The following CLHC1 variants were observed in gnomAD, a reference collection of about 807,000 sequenced individuals.
CLHC1 encodes the protein clathrin heavy chain linker domain-containing protein 1.
A neutral mutation model predicts 69.5 loss-of-function variants in CLHC1; 72 were observed. The ratio of observed to expected loss-of-function variants is 1.04; its 90% confidence interval spans 0.86 to 1.26. The LOEUF is 1.26. CLHC1 is among the 50% of genes most tolerant of loss of function. The pLI is 0.00. For synonymous variants in CLHC1, 223 were observed against 224.3 expected, an observed-to-expected ratio of 0.99 and a Z score of 0.05; for missense variants, 790 against 679.3, an observed-to-expected ratio of 1.16 and a Z score of -1.81.
intron 9 of CLHC1, among the ~76,000 whole-genome samples, chr2:55,188,157 T>A (rs949455568): frequency 3.3e-5 from 5 of 151,800 alleles, no homozygotes; most frequent in African/African-American, 1.2e-4. Context: ...GTACAAAAAA[T>A]TTTTAAATAT....
chr2:55,182,782 G>A (rs953828542), intron 9 of CLHC1, among the ~76,000 whole-genome samples: 11 of 152,142 alleles, frequency 7.2e-5, no homozygotes, highest in South Asian at 4.1e-4. Context: ...CATGAAAGGC[G>A]GGTAGGCTGG....
At chr2:55,205,398 A>AAG (rs1672339412) in intron 9 of CLHC1, among the ~76,000 whole-genome samples, 1 of 105,832 alleles carries the variant, frequency 9.4e-6, no homozygotes, top group African/African-American at 3.3e-5. Context: ...GGATAAAGAA[A>AAG]ATACACACAC....
intron 9 of CLHC1, among the ~76,000 whole-genome samples, chr2:55,204,633 C>CA (rs1672264131): frequency 6.6e-6 from 1 of 152,040 alleles, no homozygotes; most frequent in African/African-American, 2.4e-5. Flanking sequence ...ATCAACAATC[C>CA]TATGATTAAT....
chr2:55,181,779 T>C (rs1256811708), intron 9 of CLHC1, 35 bp from the exon 10 acceptor site: 15 of 1,552,074 alleles, frequency 9.7e-6, no homozygotes, highest in East Asian at 2.3e-5. Flanking sequence ...AGTCAAATAC[T>C]TTAAGAAATA....
intron 4 of CLHC1, chr2:55,215,947 T>C (rs1335504731): frequency 1.3e-5 from 2 of 151,594 alleles, no homozygotes; most frequent in Admixed American, 1.3e-4. Context: ...GAAATGGAGG[T>C]CAAACTTTGC....
intron 9 of CLHC1, among the ~76,000 whole-genome samples, chr2:55,202,507 G>C (rs1042918881): frequency 4.0e-5 from 6 of 150,316 alleles, no homozygotes; most frequent in African/African-American, 1.5e-4. Context: ...AGTGAGCTGA[G>C]ATCGCGCCAT....
At chr2:55,197,002 C>A (rs776124765) in intron 9 of CLHC1, among the ~76,000 whole-genome samples, 8 of 152,278 alleles carry the variant, frequency 5.3e-5, no homozygotes, top group South Asian at 2.1e-4. Context: ...TGGTAGCATT[C>A]ACCACTAGCT....
intron 5 of CLHC1, among the ~76,000 whole-genome samples, chr2:55,210,571 A>G (rs891204889): frequency 6.6e-6 from 1 of 152,186 alleles, no homozygotes; most frequent in African/African-American, 2.4e-5. Flanking sequence ...GCATCTGAAA[A>G]AAAATTTTTT....
intron 4 of CLHC1, among the ~76,000 whole-genome samples, chr2:55,216,292 A>C (rs77668665): frequency 2.2e-5 from 3 of 135,738 alleles, no homozygotes; most frequent in Non-Finnish European, 4.8e-5. Flanking sequence ...ACTCCGTCTC[A>C]AAAAAAAAAA....
chr2:55,174,385 T>G lies in CLHC1; in HGVS notation c.*1405A>C, dbSNP rs1669201023. Among the ~76,000 whole-genome samples, 1 of 152,162 alleles carries G rather than the reference T, an allele frequency of 6.6e-6. No homozygotes were observed. Among genetic ancestry groups the G allele is most frequent in the South Asian group, 2.1e-4 (1 of 4,824 alleles). ...CTCAGCAATAAGTTGTACCAATATATCAAATACTTTAAAGAAGGATAAACA... is the reference window on the plus strand; with the variant it reads ...CTCAGCAATAAGTTGTACCAATATAGCAAATACTTTAAAGAAGGATAAACA... On this transcript the variant is annotated 3_prime_UTR_variant, in exon 13 of 13. Coordinates refer to ENST00000401408, the MANE Select transcript of CLHC1 (RefSeq NM_152385.4).
intron 9 of CLHC1, among the ~76,000 whole-genome samples, chr2:55,200,247 A>C (rs1671819191): frequency 7.6e-6 from 1 of 131,752 alleles, no homozygotes; most frequent in Non-Finnish European, 1.6e-5. Flanking sequence ...AAAAAAAAAC[A>C]GTGGCTGAGT....
chr2:55,208,615 A>T lies in CLHC1; in HGVS notation c.899+11T>A. ...ATAATTCTGAAAAATTAAAGCTTTT[A>T]AAATATTTGCCTTTCAATGTAGTGA... On this transcript the variant is annotated intron_variant, in intron 8 of 12. Coordinates refer to ENST00000401408, the MANE Select transcript of CLHC1 (RefSeq NM_152385.4). The T allele has an allele frequency of 6.5e-7, 1 of 1,549,150 alleles. No individual in the cohort carries two copies. The highest frequency in any genetic ancestry group is 8.9e-7 in the Non-Finnish European group (1 of 1,123,662).
intron 9 of CLHC1, among the ~76,000 whole-genome samples, chr2:55,184,128 C>T (rs1670189086): frequency 8.0e-6 from 1 of 125,412 alleles, no homozygotes; most frequent in Non-Finnish European, 1.6e-5. Flanking sequence ...TTTTTCGAGA[C>T]AGGGTCTCAC....
chr2:55,200,321 T>C (rs181973470), intron 9 of CLHC1, among the ~76,000 whole-genome samples: 33 of 134,712 alleles, frequency 2.4e-4, no homozygotes, highest in Admixed American at 4.6e-4. Flanking sequence ...TAAAGACACA[T>C]ATAGACTGAA....
intron 9 of CLHC1, among the ~76,000 whole-genome samples, chr2:55,202,401 C>T (rs1032510046): frequency 5.3e-5 from 8 of 151,496 alleles, no homozygotes; most frequent in Non-Finnish European, 8.8e-5. Flanking sequence ...ACTAAAAATA[C>T]AAAAATTAGC....
intron 3 of CLHC1, chr2:55,218,217 T>C: frequency 3.0e-6 from 1 of 335,668 alleles, no homozygotes; most frequent in Non-Finnish European, 5.3e-6. Context: ...ATGTGGAGTT[T>C]AAATATGAGA....
At chr2:55,231,887 C>T (rs967982487) in intron 1 of CLHC1, 2 of 152,194 alleles carry the variant, frequency 1.3e-5, no homozygotes, top group African/African-American at 4.8e-5. Flanking sequence ...GCGTGTCACA[C>T]TAAGGAGTGA....
chr2:55,230,078 A>G (rs1314426884), intron 1 of CLHC1, among the ~76,000 whole-genome samples: 1 of 152,256 alleles, frequency 6.6e-6, no homozygotes, highest in Non-Finnish European at 1.5e-5. Flanking sequence ...ATCTCAAAAA[A>G]AAGAAAAAAA....
At chr2:55,201,243 TAAA>T (rs35586370) in intron 9 of CLHC1, among the ~76,000 whole-genome samples, 2 of 141,240 alleles carry the variant, frequency 1.4e-5, no homozygotes, top group Non-Finnish European at 1.6e-5. Flanking sequence ...ATGAAGAGTT[TAAA>T]AAAAAAAAAT....
Sources: gnomAD v4.1 joint callset for allele counts (sites outside exome capture counted in the v4.1 genomes callset) on GRCh38, gnomAD v4.1.1 for gene constraint, MANE v1.5 for transcripts, NCBI Gene and HGNC (gene_info 2026-07-23, HGNC 2026-07-21) for gene names.